Variants in DOK7 observed in about 807,000 individuals in gnomAD.
DOK7 encodes protein Dok-7.
Under a neutral mutation model 30.7 loss-of-function variants are expected in DOK7, and 32 were observed. The ratio of observed to expected loss-of-function variants is 1.04; its 90% CI spans 0.79 to 1.40. The LOEUF (loss-of-function observed/expected upper bound fraction) is 1.40. Ranked by LOEUF, DOK7 falls within the 40% of genes most tolerant of loss-of-function variation. The pLI, the probability that DOK7 is intolerant of heterozygous loss-of-function variation, is 0.00. For synonymous variants in DOK7, 447 were observed against 324.1 expected, an observed-to-expected ratio of 1.38 and a Z score of -4.07; for missense variants, 1,007 against 699.2, an observed-to-expected ratio of 1.44 and a Z score of -4.97.
chr4:3,463,816 G>A (rs1479839994), intron 2 of DOK7, among the ~76,000 whole-genome samples: 1 of 152,150 alleles, frequency 6.6e-6, no homozygotes, highest in Non-Finnish European at 1.5e-5. Flanking sequence ...CAGGCCCTGA[G>A]CCCCCCAGCA....
chr4:3,467,890 G>A (rs1411283043), intron 2 of DOK7, among the ~76,000 whole-genome samples: 1 of 152,066 alleles, frequency 6.6e-6, no homozygotes. Flanking sequence ...ATGGTGTAGG[G>A]GGAGGAAGCG....
intron 5 of DOK7, among the ~76,000 whole-genome samples, chr4:3,488,588 C>T (rs1326694522): frequency 7.2e-5 from 11 of 152,370 alleles, no homozygotes; most frequent in Non-Finnish European, 1.3e-4. Context: ...ACTGTACCTT[C>T]TGGTCCTCTG....
chr4:3,476,355 T>G lies in DOK7; in HGVS notation c.345T>G (p.His115Gln). 2 of 1,504,026 alleles carry G rather than the reference T, an allele frequency of 1.3e-6. No homozygotes were observed. Among genetic ancestry groups the G allele is most frequent in the Admixed American group, 1.8e-5 (1 of 54,802 alleles). 93.2% of individuals were successfully genotyped at this position (1,504,026 alleles called of 1,614,324 possible). ...RYALGEVHRF[H>Q]VTVAPGTKLE... ...GCCTGCCCGCAGTGCATAGGTTCCA[T>G]GTGACAGTGGCTCCAGGCACCAAGT... Residue 115 changes from histidine to glutamine, a missense_variant, in exon 4 of 7, where the codon CAT (histidine) becomes CAG (glutamine). Coordinates refer to ENST00000340083, the MANE Select transcript of DOK7 (RefSeq NM_173660.5).
intron 6 of DOK7, among the ~76,000 whole-genome samples, chr4:3,491,854 T>C (rs1044405127): frequency 1.3e-5 from 2 of 152,176 alleles, no homozygotes; most frequent in Non-Finnish European, 2.9e-5. Flanking sequence ...GGGGCCGCTG[T>C]GCTCCCCGAA....
chr4:3,489,820 C>G (rs1272032519), intron 6 of DOK7, 24 bp downstream of exon 6: 35 of 1,563,264 alleles, frequency 2.2e-5, no homozygotes, highest in Non-Finnish European at 2.9e-5. Context: ...CTGACCTGGG[C>G]TGTGGGACCT....
intron 2 of DOK7, among the ~76,000 whole-genome samples, chr4:3,471,714 G>T (rs1726778652): frequency 6.6e-6 from 1 of 152,242 alleles, no homozygotes; most frequent in Non-Finnish European, 1.5e-5. Context: ...TTTCTCTCTT[G>T]GGGCCGGGCG....
At chr4:3,496,589 C>T (rs1332619831), downstream of DOK7, among the ~76,000 whole-genome samples, 5 of 152,198 alleles carry the variant, frequency 3.3e-5, no homozygotes, top group Admixed American at 3.3e-4. Flanking sequence ...ATGGGGGCTA[C>T]CACCAGGCTG....
At chr4:3,487,368 C>T (rs891546239) in intron 5 of DOK7, among the ~76,000 whole-genome samples, 9 of 152,238 alleles carry the variant, frequency 5.9e-5, no homozygotes, top group Non-Finnish European at 1.3e-4. Flanking sequence ...GCCCCGTGAT[C>T]ACAGGACTCC....
chr4:3,494,563 T>G (rs1474864293), downstream of DOK7: 3 of 973,718 alleles, frequency 3.1e-6, no homozygotes, highest in Non-Finnish European at 2.4e-6. Context: ...GGATGCGAAG[T>G]CCCCGGGCCC....
intron 6 of DOK7, among the ~76,000 whole-genome samples, chr4:3,490,605 T>TGCTCCC (rs1728275757): frequency 1.6e-4 from 13 of 80,818 alleles, no homozygotes; most frequent in East Asian, 5.5e-4. Context: ...ATTTCTTCTC[T>TGCTCCC]CCCTGCTCGT....
Position 3,493,409 on chromosome 4 carries a change from T to TGCAG in DOK7, c.1424_1425insCAGG (p.Trp475CysfsTer45). On this transcript the variant is annotated frameshift_variant, in exon 7 of 7. Coordinates refer to ENST00000340083, the MANE Select transcript of DOK7 (RefSeq NM_173660.5). LOFTEE classifies it high-confidence loss of function. The stretch of plus-strand genomic sequence containing the variant: ...GCCTGGCCCTGCCCCTGGCGAGCCC[T>TGCAG]GGGAAGCAGGCGGCCCCCACGCGGG... The TGCAG allele has an allele frequency of 6.3e-7, 1 of 1,598,264 alleles. No homozygotes were observed. Among genetic ancestry groups the TGCAG allele is most frequent in the Non-Finnish European group, 8.5e-7 (1 of 1,172,776 alleles).
Position 3,491,232 on chromosome 4 carries a change from GCTCTTTCATTCCTTCTCCC to G in DOK7, c.772+1439_772+1457del, listed in dbSNP as rs1445202989. ...CTGCTCATTCCTTCCTTCTCCCGCT[GCTCTTTCATTCCTTCTCCC>G]CTTGCTCATTCATTCCTTCATTCAT... is the stretch of plus-strand genomic sequence containing the variant. On this transcript the variant is annotated intron_variant, in intron 6 of 6. Transcript: ENST00000340083. Among the ~76,000 whole-genome samples, 33 of 95,424 alleles carry G rather than the reference GCTCTTTCATTCCTTCTCCC, an allele frequency of 3.5e-4. 1 individual carries two copies. The highest frequency in any genetic ancestry group is 1.4e-3 in the African/African-American group (30 of 22,082). The allele number at this position is 95,424 out of a possible 152,430, so 62.6% of individuals were successfully genotyped here.
chr4:3,463,584 G>T (rs779876771), intron 2 of DOK7, 33 bp downstream of exon 2: 2 of 1,517,424 alleles, frequency 1.3e-6, no homozygotes, highest in South Asian at 2.4e-5. Flanking sequence ...GGGGGGCGCG[G>T]GGGTAGCGAC....
At chr4:3,490,278 CCT>C in intron 6 of DOK7, among the ~76,000 whole-genome samples, 1 of 114,456 alleles carries the variant, frequency 8.7e-6, no homozygotes, top group Non-Finnish European at 1.9e-5. Flanking sequence ...TCCTTCCCCA[CCT>C]TGCTCATTCA....
At chr4:3,479,503 G>A (rs550170724) in intron 4 of DOK7, among the ~76,000 whole-genome samples, 1 of 152,388 alleles carries the variant, frequency 6.6e-6, no homozygotes, top group African/African-American at 2.4e-5. Flanking sequence ...GTCGTGGGAA[G>A]GCCCTGGAAG....
downstream of DOK7, among the ~76,000 whole-genome samples, chr4:3,498,311 G>A (rs746150883): frequency 7.2e-5 from 11 of 152,172 alleles, no homozygotes; most frequent in African/African-American, 2.4e-4. Context: ...ATACAGATAC[G>A]GACACACTGC....
chr4:3,477,031 T>A (rs570986373), intron 4 of DOK7, among the ~76,000 whole-genome samples: 18 of 152,182 alleles, frequency 1.2e-4, no homozygotes, highest in Admixed American at 1.0e-3. Context: ...TGGGTGGGGA[T>A]GGCCTGAGTC....
intron 6 of DOK7, chr4:3,500,112 G>A: frequency 9.6e-7 from 1 of 1,038,130 alleles, no homozygotes; most frequent in South Asian, 1.6e-5. Context: ...CAGGAACATG[G>A]AGCGGGAACT....
At chr4:3,485,319 G>C (rs1221308776) in intron 4 of DOK7, 1 of 570,784 alleles carries the variant, frequency 1.8e-6, no homozygotes, top group Non-Finnish European at 2.9e-6. Context: ...AGAGGCTCTG[G>C]GGACCCAGCT....
Sources: allele counts gnomAD v4.1 joint callset (sites outside exome capture counted in the v4.1 genomes callset), GRCh38; gene constraint gnomAD v4.1.1; transcripts MANE v1.5; gene names NCBI Gene and HGNC (gene_info 2026-07-23, HGNC 2026-07-21).